The following RET variants were observed in gnomAD, a reference collection of about 807,000 sequenced individuals.
The protein encoded by RET is proto-oncogene tyrosine-protein kinase receptor Ret.
A neutral mutation model predicts 118.3 loss-of-function variants in RET; 19 were observed. The ratio of observed to expected loss-of-function variants is 0.16; its 90% CI spans 0.11 to 0.24. The LOEUF (loss-of-function observed/expected upper bound fraction) is 0.24. Among genes scored for constraint, RET ranks in the 10% least tolerant of loss-of-function variants. The pLI, the probability that RET is intolerant of heterozygous loss-of-function variation, is 1.00. For missense variants in RET, 1,219 were observed against 1,502.1 expected, an observed-to-expected ratio of 0.81 and a Z score of 3.12; for synonymous variants, 597 against 644.1, an observed-to-expected ratio of 0.93 and a Z score of 1.11.
chr10:43,099,226 T>C (rs1837582638), intron 1 of RET, among the ~76,000 whole-genome samples: 1 of 152,058 alleles, frequency 6.6e-6, no homozygotes, highest in South Asian at 2.1e-4. Flanking sequence ...ATTACATAGA[T>C]AGGCCGGGCA....
At chr10:43,104,647 C>T in intron 3 of RET, 1 of 537,292 alleles carries the variant, frequency 1.9e-6, no homozygotes. Context: ...AGGGGTGTCC[C>T]AGTCCCTACT....
intron 1 of RET, among the ~76,000 whole-genome samples, chr10:43,087,655 C>T (rs59116670): frequency 0.016 from 2,415 of 152,288 alleles, 66 homozygotes; most frequent in African/African-American, 0.054. Context: ...TCTATGGACT[C>T]CAGTTACCAG....
At chr10:43,118,215 T>C (rs1485419892) in intron 12 of RET, among the ~76,000 whole-genome samples, 158 bp from the exon 13 acceptor site, 2 of 152,170 alleles carry the variant, frequency 1.3e-5, no homozygotes, top group African/African-American at 2.4e-5. Context: ...CCCTGTCCAC[T>C]GATCCCAAAG....
intron 1 of RET, among the ~76,000 whole-genome samples, chr10:43,079,855 C>G (rs1422505482): frequency 1.3e-5 from 2 of 152,178 alleles, no homozygotes; most frequent in Non-Finnish European, 2.9e-5. Context: ...ACAGCTCCCC[C>G]TGCTTCATCC....
chr10:43,079,359 G>A (rs1382925302), intron 1 of RET, among the ~76,000 whole-genome samples: 2 of 152,154 alleles, frequency 1.3e-5, no homozygotes, highest in African/African-American at 4.8e-5. Flanking sequence ...GTGTATATAG[G>A]GACACACACT....
rs1435554074 is a variant in RET, at chr10:43,106,664, C to G, written c.1063+93C>G. 3.1e-6 allele frequency: 4 copies of G among 1,306,448 alleles called. No homozygotes were observed. Among genetic ancestry groups the G allele is most frequent in the Non-Finnish European group, 4.3e-6 (4 of 930,218 alleles). 80.9% of individuals were successfully genotyped at this position (1,306,448 alleles called of 1,614,324 possible). ...AGCAGCACCCTACACACATGCACAC[C>G]TGGCATGGCCCTCTGTGGCCCAAGC... On this transcript the variant is annotated intron_variant, in intron 5 of 19. Transcript: ENST00000355710. This position sits in a 1 kb window ranked among gnomAD's most constrained non-coding sequence, Gnocchi z 5.1.
In RET at chr10:43,077,364, G is replaced by A. The variant is rs534644888; in HGVS notation, c.73+33G>A. 34 of 1,499,638 alleles carry A rather than the reference G, an allele frequency of 2.3e-5. 1 individual carries two copies. In the East Asian group the frequency reaches 8.6e-4, roughly 38 times the overall value. The allele number at this position is 1,499,638 out of a possible 1,614,324, so 92.9% of individuals were successfully genotyped here. ...CTGCCGGCCGCCGGCTCCCGCAGGG[G>A]CCAGGGCGAAGTTGGCGCCGAGCAG... is the stretch of plus-strand genomic sequence containing the variant. On this transcript the variant is annotated intron_variant, in intron 1 of 19. Coordinates refer to ENST00000355710, the MANE Select transcript of RET (RefSeq NM_020975.6).
chr10:43,123,882 C>T (rs1838273376), intron 17 of RET, 74 bp downstream of exon 17: 1 of 1,605,600 alleles, frequency 6.2e-7, no homozygotes, highest in South Asian at 1.1e-5. Context: ...CCTCCCCATC[C>T]AGAGCAGCCC....
intron 1 of RET, among the ~76,000 whole-genome samples, chr10:43,087,447 C>T (rs1038141537): frequency 6.6e-6 from 1 of 152,212 alleles, no homozygotes; most frequent in Admixed American, 6.5e-5. Context: ...TTACTGAGCG[C>T]CCGGTATATG....
chr10:43,124,807 C>T (rs1163041050), intron 17 of RET, 76 bp from the exon 18 acceptor site: 36 of 1,404,678 alleles, frequency 2.6e-5, no homozygotes, highest in South Asian at 2.4e-4. Flanking sequence ...GGGCAGGGTG[C>T]GATGGCTGTG....
At chr10:43,112,016 G>A (rs1837946061) in intron 7 of RET, 83 bp from the exon 8 acceptor site, 6 of 1,534,338 alleles carry the variant, frequency 3.9e-6, no homozygotes, top group Non-Finnish European at 5.3e-6. Context: ...CAGCTCAGCT[G>A]GTGCTGTTCC....
rs561132175 is a variant in RET, at chr10:43,095,539, G to A, written c.74-4920G>A. Among the ~76,000 whole-genome samples the A allele has an allele frequency of 4.6e-5, 7 of 152,340 alleles. No homozygotes were observed. In the South Asian group the frequency reaches 1.4e-3, roughly 32 times the overall value. ...CGCACATGTGGGACGAGGGGGCTCA[G>A]GACTGGTCCCCTCTGCATCCAAAGA... On this transcript the variant is annotated intron_variant, in intron 1 of 19. Transcript: ENST00000355710.
chr10:43,102,589 C>G lies in RET; in HGVS notation c.585C>G (p.Phe195Leu), dbSNP rs1588864152. The change falls in exon 3 of 20, where the codon TTC becomes TTG. Residue 195 changes from phenylalanine to leucine, a missense_variant. This residue lies in a region of RET where 850 missense variants were observed against 969.6 expected (regional missense o/e 0.88). Transcript: ENST00000355710. ...AGTTCCGCCTGCTGCCTGTGCAGTT[C>G]TTGTGCCCCAACATCAGCGTGGCCT... Reference protein sequence around the residue: ...FHQFRLLPVQFLCPNISVAYR... With the variant: ...FHQFRLLPVQLLCPNISVAYR... 2 of 1,614,242 alleles carry G rather than the reference C, an allele frequency of 1.2e-6. No homozygotes were observed. Among genetic ancestry groups the G allele is most frequent in the South Asian group, 2.2e-5 (2 of 91,086 alleles).
At chr10:43,080,304 C>T (rs1055167134) in intron 1 of RET, among the ~76,000 whole-genome samples, 1 of 152,226 alleles carries the variant, frequency 6.6e-6, no homozygotes, top group African/African-American at 2.4e-5. Context: ...GGCCGAAGAC[C>T]CTCTAGGTCC....
chr10:43,126,920 T>G lies in RET; in HGVS notation c.3187+198T>G, dbSNP rs2075913. The stretch of plus-strand genomic sequence containing the variant: ...TTGCAACTATGTTTTTCTAAAAGGA[T>G]GTGAAAATAAGTGTAATTACCACAT... On this transcript the variant is annotated intron_variant, in intron 19 of 19. Transcript: ENST00000355710. 7.0e-7 allele frequency: 1 copy of G among 1,436,136 alleles called. No individual in the cohort carries two copies. The highest frequency in any genetic ancestry group is 1.4e-5 in the African/African-American group (1 of 69,720). 89.0% of individuals were successfully genotyped at this position (1,436,136 alleles called of 1,614,324 possible).
chr10:43,082,817 G>A (rs1837213915), intron 1 of RET, among the ~76,000 whole-genome samples: 1 of 152,230 alleles, frequency 6.6e-6, no homozygotes, highest in African/African-American at 2.4e-5. Context: ...TAATGACTGG[G>A]GAGATGTGTG....
Position 43,109,015 on chromosome 10 carries a change from G to A in RET, c.1064-16G>A, listed in dbSNP as rs373327241. The A allele has an allele frequency of 1.9e-6, 3 of 1,610,448 alleles. No individual in the cohort carries two copies. Among genetic ancestry groups the A allele is most frequent in the South Asian group, 2.2e-5 (2 of 91,074 alleles). On this transcript the variant is annotated splice_polypyrimidine_tract_variant and intron_variant, in intron 5 of 19. Coordinates refer to ENST00000355710, the MANE Select transcript of RET (RefSeq NM_020975.6). ...CCAGAGCAGCTTGGTGGTCATTGTTGTGCCCCTACCTGCAGGGCTGGTTCT... is the reference window on the plus strand; with the variant it reads ...CCAGAGCAGCTTGGTGGTCATTGTTATGCCCCTACCTGCAGGGCTGGTTCT...
chr10:43,119,934 C>T lies in RET; in HGVS notation c.2608-147C>T, dbSNP rs11238441. 0.18 allele frequency: 240,231 copies of T among 1,308,454 alleles called. 23,998 individuals are homozygous for T. The highest frequency in any genetic ancestry group is 0.31 in the Admixed American group (15,271 of 50,066). The allele number at this position is 1,308,454 out of a possible 1,614,324, so 81.1% of individuals were successfully genotyped here. ...GCCATGTCACACCCTGACTCCACCACGCCCCTGCCATGCCACACCCCCGGC... is the reference window on the plus strand; with the variant it reads ...GCCATGTCACACCCTGACTCCACCATGCCCCTGCCATGCCACACCCCCGGC... On this transcript the variant is annotated intron_variant, in intron 14 of 19. Coordinates refer to ENST00000355710, the MANE Select transcript of RET (RefSeq NM_020975.6).
At chr10:43,118,204 C>T (rs931965723) in intron 12 of RET, among the ~76,000 whole-genome samples, 169 bp from the exon 13 acceptor site, 3 of 152,148 alleles carry the variant, frequency 2.0e-5, no homozygotes, top group Non-Finnish European at 4.4e-5. Flanking sequence ...GTGGATGAGG[C>T]CCCTGTCCAC....
Sources: allele counts gnomAD v4.1 joint callset (sites outside exome capture counted in the v4.1 genomes callset), GRCh38; gene constraint gnomAD v4.1.1; regional missense constraint gnomAD v4.1.1; non-coding constraint Gnocchi (gnomAD v3.1); transcripts MANE v1.5; gene names NCBI Gene and HGNC (gene_info 2026-07-23, HGNC 2026-07-21).